ROBO1: variants seen among roughly 807,000 people sequenced by gnomAD.
The protein encoded by ROBO1 is roundabout guidance receptor 1, also known as roundabout homolog 1.
Under a neutral mutation model 195.9 loss-of-function variants are expected in ROBO1, and 149 were observed. That is an observed-to-expected ratio of 0.76 (90% CI 0.67 to 0.87). ROBO1 has a LOEUF of 0.87. Ranked by LOEUF, ROBO1 falls within the 40% of genes least tolerant of loss-of-function variation. ROBO1 has a pLI of 0.00. For synonymous variants in ROBO1, 816 were observed against 733.2 expected (o/e 1.11, Z -1.82); for missense variants, 1,933 against 2,068.3 (o/e 0.93, Z 1.27).
At chr3:79,744,212 A>G (rs1703774125) in intron 1 of ROBO1, among the ~76,000 whole-genome samples, 1 of 152,190 alleles carries the variant, frequency 6.6e-6, no homozygotes, top group Admixed American at 6.5e-5. Context: ...TTTTAGCTTC[A>G]TTATAATCTC....
intron 4 of ROBO1, among the ~76,000 whole-genome samples, chr3:78,928,112 G>A (rs1451092775): frequency 6.6e-6 from 1 of 152,100 alleles, no homozygotes; most frequent in African/African-American, 2.4e-5. Context: ...AACACACAGA[G>A]ACTAAATAAT....
chr3:78,788,095 G>C (rs1345339732), intron 4 of ROBO1, among the ~76,000 whole-genome samples: 3 of 137,764 alleles, frequency 2.2e-5, no homozygotes, highest in Admixed American at 1.4e-4. Context: ...GCCTGCCACC[G>C]CGCCCGACTG....
chr3:79,474,806 A>G (rs1938465001), intron 2 of ROBO1, among the ~76,000 whole-genome samples: 1 of 152,022 alleles, frequency 6.6e-6, no homozygotes, highest in African/African-American at 2.4e-5. Flanking sequence ...TTAACCTTGC[A>G]TTTTCCTAAT....
At chr3:79,747,129 AC>A (rs1167293982) in intron 1 of ROBO1, among the ~76,000 whole-genome samples, 10 of 152,072 alleles carry the variant, frequency 6.6e-5, no homozygotes, top group African/African-American at 2.4e-4. Flanking sequence ...TTTAAATGTA[AC>A]TATATTTTGC....
intron 8 of ROBO1, among the ~76,000 whole-genome samples, chr3:78,692,395 G>A (rs1003657669): frequency 4.6e-5 from 7 of 151,688 alleles, no homozygotes; most frequent in African/African-American, 1.2e-4. Flanking sequence ...TCAGCCTCCC[G>A]AGTAGCTGGG....
At chr3:79,742,749 T>G (rs573284844) in intron 1 of ROBO1, among the ~76,000 whole-genome samples, 1 of 152,340 alleles carries the variant, frequency 6.6e-6, no homozygotes, top group African/African-American at 2.4e-5. Context: ...CAGCCATTTC[T>G]GATTTCCCTG....
intron 1 of ROBO1, among the ~76,000 whole-genome samples, chr3:79,754,595 C>T (rs990307186): frequency 6.6e-6 from 1 of 152,200 alleles, no homozygotes; most frequent in Admixed American, 6.5e-5. Context: ...TGTTCCCACT[C>T]TATCATTCTT....
At chr3:79,033,126 T>C (rs960994291) in intron 3 of ROBO1, among the ~76,000 whole-genome samples, 4 of 152,106 alleles carry the variant, frequency 2.6e-5, no homozygotes, top group Non-Finnish European at 5.9e-5. Flanking sequence ...TACATAAACC[T>C]AAACACTCAT....
At chr3:79,691,546 A>G (rs1359127343) in intron 1 of ROBO1, among the ~76,000 whole-genome samples, 4 of 151,704 alleles carry the variant, frequency 2.6e-5, no homozygotes, top group Non-Finnish European at 5.9e-5. Context: ...AATAAATGTC[A>G]AGGAAGGGAA....
chr3:79,293,562 G>A (rs1278905191), intron 2 of ROBO1, among the ~76,000 whole-genome samples: 1 of 152,096 alleles, frequency 6.6e-6, no homozygotes, highest in Non-Finnish European at 1.5e-5. Flanking sequence ...GTGTCCCAGA[G>A]ATTCTGGTAC....
At chr3:79,062,479 C>T (rs2078936654) in intron 3 of ROBO1, among the ~76,000 whole-genome samples, 1 of 151,978 alleles carries the variant, frequency 6.6e-6, no homozygotes, top group Non-Finnish European at 1.5e-5. Context: ...ACCATTTGAC[C>T]CAGTGATCCC....
chr3:79,226,745 G>A (rs1415944248), intron 2 of ROBO1, among the ~76,000 whole-genome samples: 1 of 151,620 alleles, frequency 6.6e-6, no homozygotes, highest in African/African-American at 2.4e-5. Context: ...TAAGGTCTCC[G>A]TATGTTGCCC....
At chr3:79,710,756 G>T (rs138526186) in intron 1 of ROBO1, among the ~76,000 whole-genome samples, 91 of 152,246 alleles carry the variant, frequency 6.0e-4, no homozygotes, top group African/African-American at 2.1e-3. Flanking sequence ...ATAAAATTTG[G>T]TTGGCGTGTT....
intron 2 of ROBO1, chr3:79,533,032 C>A (rs750674544): frequency 2.3e-5 from 9 of 383,690 alleles, no homozygotes; most frequent in African/African-American, 1.5e-4. Context: ...AGAATTGATC[C>A]TTTAAACCAT....
intron 23 of ROBO1, among the ~76,000 whole-genome samples, chr3:78,635,217 G>C (rs1183672603): frequency 6.6e-6 from 1 of 152,064 alleles, no homozygotes; most frequent in Non-Finnish European, 1.5e-5. Context: ...GTTCTATACG[G>C]ACAGACTTCA....
intron 2 of ROBO1, among the ~76,000 whole-genome samples, chr3:79,189,923 C>T (rs757189269): frequency 4.0e-5 from 6 of 151,590 alleles, no homozygotes; most frequent in Non-Finnish European, 7.4e-5. Context: ...AATGGATTTA[C>T]AGTAGCCCTT....
chr3:78,653,732 ATGT>A (rs960569474), intron 18 of ROBO1, among the ~76,000 whole-genome samples: 15 of 152,194 alleles, frequency 9.9e-5, no homozygotes, highest in African/African-American at 3.6e-4. Context: ...AGGAGGGGGC[ATGT>A]TGACAGGAAT....
chr3:79,730,778 T>TC (rs1475653429), intron 1 of ROBO1, among the ~76,000 whole-genome samples: 1 of 65,828 alleles, frequency 1.5e-5, no homozygotes, highest in African/African-American at 6.2e-5. Flanking sequence ...CTTTTTTTTT[T>TC]TTTTTTTTTT....
intron 1 of ROBO1, among the ~76,000 whole-genome samples, chr3:79,708,273 A>T (rs1702136608): frequency 6.6e-6 from 1 of 152,160 alleles, no homozygotes; most frequent in African/African-American, 2.4e-5. Context: ...GACTGAGAAG[A>T]TAACTATTTT....
Sources: gnomAD v4.1 joint callset for allele counts (sites outside exome capture counted in the v4.1 genomes callset) on GRCh38, gnomAD v4.1.1 for gene constraint, MANE v1.5 for transcripts, NCBI Gene and HGNC (gene_info 2026-07-23, HGNC 2026-07-21) for gene names.